Variants in RYR3 observed in about 807,000 individuals in gnomAD.
RYR3 encodes ryanodine receptor 3, also known as brain ryanodine receptor-calcium release channel.
In RYR3, 207 loss-of-function variants were observed where a neutral mutation model predicts 584.3. The ratio of observed to expected loss-of-function variants is 0.35; its 90% CI spans 0.32 to 0.40. The LOEUF (loss-of-function observed/expected upper bound fraction) is 0.40. RYR3 is among the 10% of genes least tolerant of loss of function. The probability of loss-of-function intolerance (pLI) is 1.00; values close to 1 mark genes in which losing one functional copy is unlikely to be tolerated. For synonymous variants in RYR3, 2,416 were observed against 2,248.5 expected (o/e 1.07, Z -2.11); for missense variants, 5,616 against 6,089.2 (o/e 0.92, Z 2.59).
chr15:33,685,709 A>C (rs2064960965), intron 38 of RYR3, among the ~76,000 whole-genome samples: 1 of 152,248 alleles, frequency 6.6e-6, no homozygotes, highest in African/African-American at 2.4e-5. Context: ...ACTCCTCAGC[A>C]AATGTAAAAG....
At chr15:33,780,430 C>T in intron 65 of RYR3, 89 bp downstream of exon 65, 1 of 1,390,430 alleles carries the variant, frequency 7.2e-7, no homozygotes, top group Non-Finnish European at 9.9e-7. Flanking sequence ...CCCTGCAGCA[C>T]TGTGGCTTTC....
At chr15:33,487,019 A>C (rs1455385615) in intron 2 of RYR3, among the ~76,000 whole-genome samples, 1 of 152,018 alleles carries the variant, frequency 6.6e-6, no homozygotes, top group African/African-American at 2.4e-5. Context: ...CCAACATGGC[A>C]AAAACCCATA....
chr15:33,826,873 C>T (rs1447486150), intron 84 of RYR3, 121 bp downstream of exon 84: 1 of 724,874 alleles, frequency 1.4e-6, no homozygotes, highest in African/African-American at 1.8e-5. Context: ...TAATGCGTTC[C>T]TCAATAAGAA....
intron 1 of RYR3, among the ~76,000 whole-genome samples, chr15:33,314,111 T>G (rs1279244500): frequency 6.6e-6 from 1 of 152,176 alleles, no homozygotes; most frequent in Non-Finnish European, 1.5e-5. Context: ...TAAACACATG[T>G]GAACTAAATG....
At chr15:33,517,604 C>T (rs2053626897) in intron 3 of RYR3, among the ~76,000 whole-genome samples, 1 of 152,212 alleles carries the variant, frequency 6.6e-6, no homozygotes, top group South Asian at 2.1e-4. Context: ...ATGTTAACCT[C>T]TGCAGCATCA....
intron 1 of RYR3, among the ~76,000 whole-genome samples, chr15:33,349,873 C>G (rs970313994): frequency 6.6e-6 from 1 of 151,784 alleles, no homozygotes; most frequent in Non-Finnish European, 1.5e-5. Flanking sequence ...GGATAGTTTA[C>G]TGAGACTGAT....
In RYR3 at chr15:33,845,037, G is replaced by C; in HGVS notation, c.13472G>C (p.Cys4491Ser). The change falls in exon 93 of 104, where the codon TGT (cysteine) becomes TCT (serine). Residue 4491 changes from cysteine (C) to serine (S), a missense_variant. By Grantham distance (112) the Cys-to-Ser change is moderately radical (BLOSUM62 -1). This residue lies in a region of RYR3 where 918 missense variants were observed against 887.4 expected (regional missense o/e 1.03). Coordinates refer to ENST00000634891, the MANE Select transcript of RYR3 (RefSeq NM_001036.6). ...AIIHTIISLV[C>S]VVGYYCLKVP... ...ATCCATACCATCATCTCTCTAGTCTGTGTGGTGGGCTACTACTGCCTGAAG... is the reference window on the plus strand; with the variant it reads ...ATCCATACCATCATCTCTCTAGTCTCTGTGGTGGGCTACTACTGCCTGAAG... 6.2e-7 allele frequency: 1 copy of C among 1,614,020 alleles called. No individual in the cohort carries two copies. The highest frequency in any genetic ancestry group is 8.5e-7 in the Non-Finnish European group (1 of 1,179,900).
intron 32 of RYR3, among the ~76,000 whole-genome samples, chr15:33,655,977 A>G (rs1292003328): frequency 6.6e-6 from 1 of 152,268 alleles, no homozygotes; most frequent in Non-Finnish European, 1.5e-5. Context: ...TCCCCATTAA[A>G]TAGTGATAAA....
chr15:33,651,399 C>G (rs1270288811), intron 31 of RYR3, among the ~76,000 whole-genome samples: 2 of 152,222 alleles, frequency 1.3e-5, no homozygotes, highest in Non-Finnish European at 2.9e-5. Flanking sequence ...AATGCTATAA[C>G]TCTTTGAAAG....
At chr15:33,696,165 C>T (rs2152764621) in intron 38 of RYR3, 53 bp from the exon 39 acceptor site, 5 of 1,548,724 alleles carry the variant, frequency 3.2e-6, no homozygotes, top group East Asian at 4.5e-5. Flanking sequence ...AAACACCCAG[C>T]TCTCCCTGAG....
At chr15:33,682,983 C>G (rs1410709267) in intron 38 of RYR3, among the ~76,000 whole-genome samples, 1 of 141,782 alleles carries the variant, frequency 7.1e-6, no homozygotes, top group African/African-American at 2.5e-5. Context: ...GGCTGTCCCA[C>G]TTTGAGAGTC....
chr15:33,629,553 T>G (rs1202945452), intron 21 of RYR3, among the ~76,000 whole-genome samples: 1 of 152,226 alleles, frequency 6.6e-6, no homozygotes, highest in Non-Finnish European at 1.5e-5. Flanking sequence ...GTGGCTGACT[T>G]TTGGTTCTAC....
At chr15:33,778,138 C>T (rs547232672) in intron 64 of RYR3, among the ~76,000 whole-genome samples, 1 of 149,274 alleles carries the variant, frequency 6.7e-6, no homozygotes, top group East Asian at 2.0e-4. Context: ...CCACTGTACT[C>T]CAGCCTGGGC....
At chr15:33,341,782 C>T (rs1382140830) in intron 1 of RYR3, among the ~76,000 whole-genome samples, 1 of 152,044 alleles carries the variant, frequency 6.6e-6, no homozygotes, top group Non-Finnish European at 1.5e-5. Flanking sequence ...ATGTCCACAG[C>T]TTGCAGGAGA....
intron 42 of RYR3, among the ~76,000 whole-genome samples, chr15:33,701,342 A>G (rs1382920555): frequency 6.6e-6 from 1 of 152,198 alleles, no homozygotes; most frequent in Non-Finnish European, 1.5e-5. Context: ...TCGTTGGTCT[A>G]CATGGAACAT....
Position 33,390,315 on chromosome 15 carries a change from G to A in RYR3, c.51+79219G>A, listed in dbSNP as rs545518227. On this transcript the variant is annotated intron_variant, in intron 1 of 103. Transcript: ENST00000634891. The surrounding 1 kb of genome is among the most constrained non-coding windows in gnomAD (Gnocchi z 4.2). The stretch of plus-strand genomic sequence containing the variant: ...TGTTCTTTTAGCTGGGCCCACATGG[G>A]CCTCAGTACCAGTATACCTGGGGGT... Among the ~76,000 whole-genome samples, 22 of 152,284 alleles carry A rather than the reference G, an allele frequency of 1.4e-4. No individual in the cohort carries two copies. The South Asian group carries it at 2.7e-3, about 19-fold the overall frequency.
rs766405363 is a variant in RYR3, at chr15:33,832,541, A to AGC, written c.11463+1451_11463+1452dup. On this transcript the variant is annotated intron_variant, in intron 86 of 103. Transcript: ENST00000634891. ...CGTGTTGGTGGGTGCCTGTAATCCCAGCTACTCAGGAGGCTGAGGCAGGGA... is the reference window on the plus strand; with the variant it reads ...CGTGTTGGTGGGTGCCTGTAATCCCAGCGCTACTCAGGAGGCTGAGGCAGGGA... 5.3e-5 allele frequency among the ~76,000 whole-genome samples: 8 copies of AGC among 151,228 alleles called. No homozygotes were observed. The East Asian group carries it at 1.6e-3, about 30-fold the overall frequency.
intron 1 of RYR3, among the ~76,000 whole-genome samples, chr15:33,428,043 G>A (rs1032592231): frequency 6.6e-6 from 1 of 152,192 alleles, no homozygotes; most frequent in African/African-American, 2.4e-5. Flanking sequence ...GATATAACAT[G>A]GTGCCATGCA....
chr15:33,762,024 T>A (rs8040068), intron 60 of RYR3, among the ~76,000 whole-genome samples: 1,585 of 152,252 alleles, frequency 0.01, 31 homozygotes, highest in African/African-American at 0.036. Flanking sequence ...ATTATCTCAA[T>A]AGACTCAGAA....
Sources: allele counts gnomAD v4.1 joint callset (sites outside exome capture counted in the v4.1 genomes callset), GRCh38; gene constraint gnomAD v4.1.1; regional missense constraint gnomAD v4.1.1; non-coding constraint Gnocchi (gnomAD v3.1); transcripts MANE v1.5; gene names NCBI Gene and HGNC (gene_info 2026-07-23, HGNC 2026-07-21).